The following TAS2R1 variants were observed in gnomAD, a reference collection of about 807,000 sequenced individuals.
The protein encoded by TAS2R1 is taste receptor type 2 member 1.
For missense variants in TAS2R1, 370 were observed against 353.4 expected (o/e 1.05, Z -0.38); for synonymous variants, 141 against 134.2 (o/e 1.05, Z -0.35).
chr5:9,633,992 G>C (rs1739923795), upstream of TAS2R1, among the ~76,000 whole-genome samples: 1 of 152,010 alleles, frequency 6.6e-6, no homozygotes, highest in South Asian at 2.1e-4. Context: ...TTTGCTTTTG[G>C]GTTCTTGGTC....
At chr5:9,652,709 T>A (rs1412835201) in intron 2 of TAS2R1, among the ~76,000 whole-genome samples, 29 of 152,224 alleles carry the variant, frequency 1.9e-4, no homozygotes, top group Admixed American at 1.9e-3. Flanking sequence ...TAATGGTTTT[T>A]CAGAATCTGT....
chr5:9,764,045 T>G, the TAS2R1 span, among the ~76,000 whole-genome samples: 2 of 152,220 alleles, frequency 1.3e-5, no homozygotes, highest in Non-Finnish European at 2.9e-5. Context: ...CTTTTATCCT[T>G]CCTAGATTTC....
the TAS2R1 span, chr5:9,889,473 A>C: frequency 6.6e-6 from 1 of 152,304 alleles, no homozygotes; most frequent in Non-Finnish European, 1.5e-5. Context: ...GCTGTGATCC[A>C]CTGGGAAAAT....
intron 1 of TAS2R1, among the ~76,000 whole-genome samples, chr5:9,660,278 G>A (rs1179216564): frequency 1.1e-4 from 14 of 128,172 alleles, no homozygotes; most frequent in African/African-American, 4.2e-4. Flanking sequence ...GGGTTTCACT[G>A]TGTTAGCCAG....
At chr5:9,802,199 G>T in the TAS2R1 span, among the ~76,000 whole-genome samples, 1 of 152,134 alleles carries the variant, frequency 6.6e-6, no homozygotes, top group African/African-American at 2.4e-5. Context: ...ACCTTCATGG[G>T]AGCAGGTTCT....
At chr5:9,762,078 C>A in the TAS2R1 span, among the ~76,000 whole-genome samples, 1 of 152,170 alleles carries the variant, frequency 6.6e-6, no homozygotes, top group Admixed American at 6.5e-5. Context: ...CAAAAAAACA[C>A]CTCCTCTTTA....
the TAS2R1 span, among the ~76,000 whole-genome samples, chr5:9,891,670 G>T: frequency 6.6e-6 from 1 of 152,172 alleles, no homozygotes; most frequent in Non-Finnish European, 1.5e-5. Context: ...CCAGCCCACA[G>T]TGTTTCCTCT....
At chr5:9,760,559 T>C in the TAS2R1 span, among the ~76,000 whole-genome samples, 8 of 152,222 alleles carry the variant, frequency 5.3e-5, no homozygotes, top group African/African-American at 1.9e-4. Flanking sequence ...ATCATTGTGG[T>C]CCACCATGTC....
intron 1 of TAS2R1, among the ~76,000 whole-genome samples, chr5:9,674,743 A>G (rs1208280397): frequency 2.0e-5 from 3 of 152,080 alleles, no homozygotes; most frequent in African/African-American, 7.2e-5. Context: ...TCTAACTTCT[A>G]TTCCATTTTT....
At chr5:9,721,895 A>G in the TAS2R1 span, among the ~76,000 whole-genome samples, 5 of 152,230 alleles carry the variant, frequency 3.3e-5, no homozygotes, top group Admixed American at 6.5e-5. Context: ...AAGCAATAGT[A>G]ATAGTCAACA....
At chr5:9,777,418 A>G in the TAS2R1 span, among the ~76,000 whole-genome samples, 38,010 of 152,178 alleles carry the variant, frequency 0.25, 5,325 homozygotes, top group Middle Eastern at 0.42. Flanking sequence ...CAGCTCCTCA[A>G]CTGCTAAAGT....
the TAS2R1 span, among the ~76,000 whole-genome samples, chr5:9,830,365 CAGAT>C: frequency 3.3e-5 from 5 of 151,728 alleles, no homozygotes; most frequent in Admixed American, 2.0e-4. Flanking sequence ...AGATGATTGA[CAGAT>C]AGGTGGATGA....
intron 1 of TAS2R1, among the ~76,000 whole-genome samples, chr5:9,660,990 A>G (rs1405803788): frequency 6.6e-6 from 1 of 152,224 alleles, no homozygotes; most frequent in Admixed American, 6.5e-5. Context: ...GAACAAGGTG[A>G]TCTTTTTCTC....
At chr5:9,702,110 A>G (rs546069530) in intron 1 of TAS2R1, among the ~76,000 whole-genome samples, 2 of 152,322 alleles carry the variant, frequency 1.3e-5, no homozygotes, top group Non-Finnish European at 2.9e-5. Flanking sequence ...TAAAGGCTCT[A>G]TTCTTCTTGT....
chr5:9,903,164 A>G, the TAS2R1 span, among the ~76,000 whole-genome samples: 2 of 152,016 alleles, frequency 1.3e-5, no homozygotes, highest in Non-Finnish European at 2.9e-5. Context: ...TTGTTCTGCT[A>G]TCAAACAGTA....
intron 1 of TAS2R1, among the ~76,000 whole-genome samples, chr5:9,708,416 A>G (rs545347485): frequency 6.6e-6 from 1 of 152,228 alleles, no homozygotes; most frequent in African/African-American, 2.4e-5. Context: ...GCCATTTACC[A>G]TATAAAGAAA....
chr5:9,642,395 C>A (rs1209559453), intron 2 of TAS2R1, among the ~76,000 whole-genome samples: 1 of 152,128 alleles, frequency 6.6e-6, no homozygotes, highest in Non-Finnish European at 1.5e-5. Context: ...AGACTCTGAG[C>A]AAACCAACCC....
intron 1 of TAS2R1, among the ~76,000 whole-genome samples, chr5:9,678,784 G>A (rs1289242136): frequency 2.0e-5 from 3 of 152,138 alleles, no homozygotes; most frequent in African/African-American, 4.8e-5. Context: ...CCTGTTGGGG[G>A]GTTTGGGGGA....
chr5:9,887,871 A>T, the TAS2R1 span, among the ~76,000 whole-genome samples: 1 of 152,340 alleles, frequency 6.6e-6, no homozygotes, highest in Non-Finnish European at 1.5e-5. Context: ...GACAATGGAT[A>T]GAATTTTGCG....
Sources: gnomAD v4.1 joint callset for allele counts (sites outside exome capture counted in the v4.1 genomes callset) on GRCh38, gnomAD v4.1.1 for gene constraint, MANE v1.5 for transcripts, NCBI Gene and HGNC (gene_info 2026-07-23, HGNC 2026-07-21) for gene names.